The following ANKFN1 variants were observed in gnomAD, a reference collection of about 807,000 sequenced individuals.
ANKFN1 encodes ankyrin repeat and fibronectin type III domain containing 1, also known as ankyrin repeat and fibronectin type-III domain-containing protein 1.
ANKFN1 carries 74 observed loss-of-function variants against 108.7 expected under a neutral mutation model. The observed-to-expected ratio is 0.68, with a 90% CI of 0.56 to 0.83. The LOEUF (loss-of-function observed/expected upper bound fraction) is 0.83. Ranked by LOEUF, ANKFN1 falls within the 40% of genes least tolerant of loss-of-function variation. The pLI is 0.00. For synonymous variants in ANKFN1, 547 were observed against 516.2 expected (o/e 1.06, Z -0.81); for missense variants, 1,505 against 1,382.3 (o/e 1.09, Z -1.41).
chr17:56,183,761 A>G lies in ANKFN1; in HGVS notation c.-70-28837A>G, dbSNP rs180731921. Among the ~76,000 whole-genome samples the G allele has an allele frequency of 3.9e-5, 6 of 152,258 alleles. No homozygotes were observed. In the East Asian group the frequency reaches 1.2e-3, roughly 29 times the overall value. The stretch of plus-strand genomic sequence containing the variant: ...CAGTCTCAGGTATATCTTTGTAACA[A>G]TGCAAAAACAGACTAACACCACCAG... On this transcript the variant is annotated intron_variant, in intron 1 of 20. Transcript: ENST00000682825.
At chr17:56,429,568 A>G (rs934778208) in intron 8 of ANKFN1, among the ~76,000 whole-genome samples, 2 of 152,254 alleles carry the variant, frequency 1.3e-5, no homozygotes, top group African/African-American at 4.8e-5. Context: ...ATACAGAGAC[A>G]GGCAGCAGGC....
At chr17:56,491,319 C>T (rs947114944) in intron 18 of ANKFN1, among the ~76,000 whole-genome samples, 3 of 152,066 alleles carry the variant, frequency 2.0e-5, no homozygotes, top group African/African-American at 7.2e-5. Flanking sequence ...TCATCAATGC[C>T]CTGGAAGAAA....
At chr17:56,056,644 C>T (rs952439493) in intron 4 of ANKFN1, among the ~76,000 whole-genome samples, 1 of 152,148 alleles carries the variant, frequency 6.6e-6, no homozygotes, top group Non-Finnish European at 1.5e-5. Context: ...AAACTGGACC[C>T]CTATCCCTTA....
At chr17:56,357,510 G>A (rs1294711019) in intron 6 of ANKFN1, among the ~76,000 whole-genome samples, 1 of 152,190 alleles carries the variant, frequency 6.6e-6, no homozygotes, top group Non-Finnish European at 1.5e-5. Flanking sequence ...CTGGGCCCCT[G>A]CATCTCTCCC....
At chr17:56,202,999 T>C (rs560930258) in intron 1 of ANKFN1, among the ~76,000 whole-genome samples, 1 of 152,326 alleles carries the variant, frequency 6.6e-6, no homozygotes, top group South Asian at 2.1e-4. Flanking sequence ...CACTGTTGTC[T>C]TTTTAGATTT....
chr17:56,076,592 C>T lies in ANKFN1; in HGVS notation c.288+30267C>T, dbSNP rs554363251. ...TGCTGTGTTTGGATCCTGACTCTGC[C>T]GCTTACTGTGTGCCCTTCAAATGCA... On this transcript the variant is annotated intron_variant, in intron 4 of 12. Transcript: ENST00000635860. Among the ~76,000 whole-genome samples, 13 of 152,246 alleles carry T rather than the reference C, an allele frequency of 8.5e-5. No individual in the cohort carries two copies. The East Asian group carries it at 9.7e-4, about 11-fold the overall frequency.
chr17:56,389,947 C>T (rs2047380672), intron 8 of ANKFN1, among the ~76,000 whole-genome samples: 1 of 152,118 alleles, frequency 6.6e-6, no homozygotes, highest in African/African-American at 2.4e-5. Flanking sequence ...GAGTACATTG[C>T]CTCTCCCACT....
intron 4 of ANKFN1, among the ~76,000 whole-genome samples, chr17:56,121,986 C>T (rs930800139): frequency 6.6e-6 from 1 of 152,104 alleles, no homozygotes; most frequent in Non-Finnish European, 1.5e-5. Flanking sequence ...GGTTATCTAA[C>T]ACTAGTACAG....
intron 3 of ANKFN1, among the ~76,000 whole-genome samples, chr17:56,296,161 C>G (rs2044504150): frequency 6.6e-6 from 1 of 151,928 alleles, no homozygotes; most frequent in South Asian, 2.1e-4. Context: ...TCCACACTAA[C>G]CTGCACATGT....
chr17:56,432,074 G>T (rs931253089), intron 8 of ANKFN1, among the ~76,000 whole-genome samples: 1 of 152,230 alleles, frequency 6.6e-6, no homozygotes, highest in Non-Finnish European at 1.5e-5. Flanking sequence ...TTCAAGGGAG[G>T]TGTGGTGGGG....
chr17:56,079,851 A>C (rs1228292968), intron 4 of ANKFN1, among the ~76,000 whole-genome samples: 2 of 152,220 alleles, frequency 1.3e-5, no homozygotes, highest in Admixed American at 6.5e-5. Context: ...GAGCACATGG[A>C]AATTTAACCT....
chr17:56,054,463 C>A (rs972711804), intron 4 of ANKFN1, among the ~76,000 whole-genome samples: 13 of 152,092 alleles, frequency 8.5e-5, no homozygotes, highest in Non-Finnish European at 1.6e-4. Context: ...GGTTTCAGAC[C>A]ACCAAAATAA....
chr17:56,204,589 C>A (rs954648952), intron 1 of ANKFN1, among the ~76,000 whole-genome samples: 4 of 152,076 alleles, frequency 2.6e-5, no homozygotes, highest in African/African-American at 9.7e-5. Flanking sequence ...GATCTGCCCA[C>A]CTCGGCCTCC....
intron 1 of ANKFN1, among the ~76,000 whole-genome samples, chr17:56,194,895 A>G (rs1913359891): frequency 6.6e-6 from 1 of 152,194 alleles, no homozygotes; most frequent in Non-Finnish European, 1.5e-5. Context: ...TAAAAGATAA[A>G]AATCTATTTA....
chr17:56,151,694 C>A (rs1908624477), upstream of ANKFN1, among the ~76,000 whole-genome samples: 1 of 152,150 alleles, frequency 6.6e-6, no homozygotes, highest in African/African-American at 2.4e-5. Flanking sequence ...ACCAACAGCA[C>A]CACTGAGAGA....
intron 16 of ANKFN1, 23 bp from the exon 17 acceptor site, chr17:56,480,645 T>C: frequency 6.2e-7 from 1 of 1,611,356 alleles, no homozygotes; most frequent in Non-Finnish European, 8.5e-7. Flanking sequence ...ATATTTCTAA[T>C]TTTAACTTGA....
intron 4 of ANKFN1, among the ~76,000 whole-genome samples, chr17:56,047,599 G>A (rs141486542): frequency 1.3e-3 from 196 of 152,226 alleles, no homozygotes; most frequent in African/African-American, 4.6e-3. Context: ...ATGGGAACTG[G>A]GGAGAGGAAA....
At chr17:56,442,614 A>T (rs1252034898) in intron 9 of ANKFN1, among the ~76,000 whole-genome samples, 1 of 152,160 alleles carries the variant, frequency 6.6e-6, no homozygotes, top group Non-Finnish European at 1.5e-5. Context: ...AGAAACTAAG[A>T]GGGAACTTCA....
At chr17:56,128,510 C>CAG (rs1366352320) in intron 4 of ANKFN1, among the ~76,000 whole-genome samples, 1 of 152,160 alleles carries the variant, frequency 6.6e-6, no homozygotes, top group East Asian at 1.9e-4. Context: ...TGTTCTGTAA[C>CAG]AATGTCCTGG....
Sources: allele counts gnomAD v4.1 joint callset (sites outside exome capture counted in the v4.1 genomes callset), GRCh38; gene constraint gnomAD v4.1.1; transcripts MANE v1.5; gene names NCBI Gene and HGNC (gene_info 2026-07-23, HGNC 2026-07-21).